The following MED15 variants were observed in gnomAD, a reference collection of about 807,000 sequenced individuals.
The protein encoded by MED15 is mediator complex subunit 15.
Under a neutral mutation model 118.7 loss-of-function variants are expected in MED15, and 41 were observed. The ratio of observed to expected loss-of-function variants is 0.35; its 90% CI spans 0.27 to 0.45. The LOEUF (loss-of-function observed/expected upper bound fraction) is 0.45, where lower values mean the gene tolerates loss of function less well. MED15 is among the 20% of genes least tolerant of loss of function. MED15 has a pLI of 1.00. For missense variants in MED15, 740 were observed against 1,025.5 expected (o/e 0.72, Z 3.80); for synonymous variants, 436 against 413.9 (o/e 1.05, Z -0.65).
chr22:20,582,811 G>T, intron 10 of MED15, 29 bp from the exon 11 acceptor site: 1 of 1,605,930 alleles, frequency 6.2e-7, no homozygotes. Flanking sequence ...CTGGACCCCG[G>T]CTCACATGTT....
chr22:20,535,027 G>A (rs1255023317), intron 1 of MED15, among the ~76,000 whole-genome samples: 6 of 152,052 alleles, frequency 3.9e-5, no homozygotes, highest in Admixed American at 6.5e-5. Flanking sequence ...GTGCCATCTT[G>A]GCTCACTGCA....
rs1156880695 is a variant in MED15 at position 20,566,543 on chromosome 22, A to AGCG, written c.769_770insGGC (p.Gln256_Gln257insArg). On this transcript the variant is annotated inframe_insertion, in exon 7 of 18. Transcript: ENST00000263205. ...CAACAGCAACAGCAGCAGCAGCAGC[A>AGCG]GCAGCAGCAGCAGCAGCAGGCTTTG... The AGCG allele has an allele frequency of 6.2e-7, 1 of 1,611,366 alleles. No individual in the cohort carries two copies. Among genetic ancestry groups the AGCG allele is most frequent in the East Asian group, 2.2e-5 (1 of 44,852 alleles).
intron 1 of MED15, among the ~76,000 whole-genome samples, chr22:20,527,053 G>T (rs374399585): frequency 6.6e-6 from 1 of 152,162 alleles, no homozygotes; most frequent in East Asian, 1.9e-4. Context: ...CTGCCCTTGT[G>T]CTGGCTTGTG....
rs140348873 is a variant in MED15 at position 20,584,239 on chromosome 22, A to G, written c.1737-120A>G. The G allele has an allele frequency of 1.4e-3, 1,350 of 990,564 alleles. 2 individuals carry two copies. Among genetic ancestry groups the G allele is most frequent in the Middle Eastern group, 2.2e-3 (7 of 3,152 alleles). The allele number at this position is 990,564 out of a possible 1,614,324, so 61.4% of individuals were successfully genotyped here. ...CTCTGGGTCTGGGAACAGCTGGTCA[A>G]CTGGTAGGAGCTCCTGCAGAGGTTT... On this transcript the variant is annotated intron_variant, in intron 13 of 17. Transcript: ENST00000263205.
intron 2 of MED15, among the ~76,000 whole-genome samples, chr22:20,538,693 G>GT (rs1177436906): frequency 3.3e-5 from 5 of 150,328 alleles, no homozygotes; most frequent in Admixed American, 6.6e-5. Context: ...CAACATATGG[G>GT]TTTTTTTTGT....
At chr22:20,580,233 C>T (rs1280800297) in intron 9 of MED15, among the ~76,000 whole-genome samples, 1 of 152,150 alleles carries the variant, frequency 6.6e-6, no homozygotes, top group Non-Finnish European at 1.5e-5. Context: ...ACGGGCGTGG[C>T]TGGTGAGATT....
chr22:20,569,062 G>A (rs2056548969), intron 8 of MED15, among the ~76,000 whole-genome samples: 1 of 152,202 alleles, frequency 6.6e-6, no homozygotes, highest in African/African-American at 2.4e-5. Context: ...GCAGGAGCGT[G>A]GGAGAAGGCA....
At chr22:20,515,286 C>A (rs2054209862) in intron 1 of MED15, among the ~76,000 whole-genome samples, 1 of 152,166 alleles carries the variant, frequency 6.6e-6, no homozygotes, top group South Asian at 2.1e-4. Context: ...GTACATGTTA[C>A]TCACATTTAT....
intron 13 of MED15, 160 bp from the exon 14 acceptor site, chr22:20,584,199 G>T: frequency 2.9e-6 from 2 of 695,790 alleles, no homozygotes; most frequent in East Asian, 2.5e-5. Context: ...GGGGTTGAGG[G>T]CTGCCTGCCT....
In MED15 at chr22:20,532,837, C is replaced by T. The variant is rs2054913154; in HGVS notation, c.69-4280C>T. ...CTGACACCAGTCTGCTCTTTGTCCT[C>T]CTCTGGCTGGACAGGCCCTCGTCTT... is the stretch of plus-strand genomic sequence containing the variant. On this transcript the variant is annotated intron_variant, in intron 1 of 17. Transcript: ENST00000263205. Among the ~76,000 whole-genome samples the T allele has an allele frequency of 2.0e-5, 3 of 152,314 alleles. No homozygotes were observed. The South Asian group carries it at 6.2e-4, about 32-fold the overall frequency.
At chr22:20,561,327 T>C (rs2056231620) in intron 5 of MED15, among the ~76,000 whole-genome samples, 1 of 152,160 alleles carries the variant, frequency 6.6e-6, no homozygotes, top group Non-Finnish European at 1.5e-5. Context: ...GAGGCGATCC[T>C]GGCCAACATG....
intron 1 of MED15, chr22:20,523,652 C>T: frequency 1.0e-6 from 1 of 985,382 alleles, no homozygotes; most frequent in South Asian, 4.7e-5. Flanking sequence ...CACATGCTTG[C>T]CTGGTGGTGA....
At chr22:20,521,550 ATTTTT>A (rs557681487) in intron 1 of MED15, among the ~76,000 whole-genome samples, 11 of 130,624 alleles carry the variant, frequency 8.4e-5, no homozygotes, top group African/African-American at 2.9e-4. Flanking sequence ...CACCCGGCTA[ATTTTT>A]TTTTTTTTTT....
At chr22:20,579,372 G>A (rs925413796) in intron 9 of MED15, among the ~76,000 whole-genome samples, 5 of 152,142 alleles carry the variant, frequency 3.3e-5, no homozygotes, top group Admixed American at 6.5e-5. Flanking sequence ...CCCTTCATTT[G>A]TTTTTCTTCC....
At chr22:20,557,111 C>T (rs1231498615) in intron 5 of MED15, among the ~76,000 whole-genome samples, 3 of 152,184 alleles carry the variant, frequency 2.0e-5, no homozygotes, top group Admixed American at 6.5e-5. Context: ...TTTTGTCACA[C>T]ATCCCTCATG....
At chr22:20,541,536 T>G (rs1258052533) in intron 2 of MED15, among the ~76,000 whole-genome samples, 1 of 152,080 alleles carries the variant, frequency 6.6e-6, no homozygotes, top group East Asian at 1.9e-4. Context: ...CAGGCTAGAG[T>G]GCAGTGGCAC....
chr22:20,578,598 G>A (rs564739013), intron 9 of MED15, among the ~76,000 whole-genome samples: 39 of 152,276 alleles, frequency 2.6e-4, no homozygotes, highest in Non-Finnish European at 4.0e-4. Context: ...AGTCCCTTCC[G>A]AGAAAAAGAG....
intron 9 of MED15, 124 bp from the exon 10 acceptor site, chr22:20,582,487 A>T: frequency 6.9e-7 from 1 of 1,441,926 alleles, no homozygotes; most frequent in Non-Finnish European, 9.3e-7. Flanking sequence ...TGGCATTTGG[A>T]TGAAGACACA....
In MED15 at chr22:20,547,133, A is replaced by C. The variant is rs569041423; in HGVS notation, c.157-4303A>C. On this transcript the variant is annotated intron_variant, in intron 2 of 17. Transcript: ENST00000263205. ...TTAGCATACTTGGTTGCTTTACTTT[A>C]AAATCATTTCAGAATAAACAGTTTA... is the stretch of plus-strand genomic sequence containing the variant. Among the ~76,000 whole-genome samples, 73 of 152,304 alleles carry C rather than the reference A, an allele frequency of 4.8e-4. 1 individual carries two copies. The highest frequency in any genetic ancestry group is 1.8e-3 in the African/African-American group (73 of 41,566).
Sources: gnomAD v4.1 joint callset for allele counts (sites outside exome capture counted in the v4.1 genomes callset) on GRCh38, gnomAD v4.1.1 for gene constraint, MANE v1.5 for transcripts, NCBI Gene and HGNC (gene_info 2026-07-23, HGNC 2026-07-21) for gene names.